RCAN2: variants seen among roughly 807,000 people sequenced by gnomAD.
RCAN2 encodes the protein regulator of calcineurin 2, also known as calcipressin-2.
In RCAN2, 9 loss-of-function variants were observed where a neutral mutation model predicts 23.6. The observed-to-expected ratio is 0.38, with a 90% CI of 0.23 to 0.67. The LOEUF is 0.67. Among genes scored for constraint, RCAN2 ranks in the 30% least tolerant of loss-of-function variants. The pLI, the probability that RCAN2 is intolerant of heterozygous loss-of-function variation, is 0.51. For missense variants in RCAN2, 273 were observed against 302.3 expected (o/e 0.90, Z 0.72); for synonymous variants, 109 against 115.7 (o/e 0.94, Z 0.37).
chr6:46,281,964 A>T (rs1395827961), intron 2 of RCAN2, among the ~76,000 whole-genome samples: 3 of 152,154 alleles, frequency 2.0e-5, no homozygotes, highest in Admixed American at 6.5e-5. Context: ...CATTATCATC[A>T]TTAATGGTAA....
intron 2 of RCAN2, among the ~76,000 whole-genome samples, chr6:46,406,117 G>A (rs1252951987): frequency 9.2e-5 from 14 of 152,096 alleles, no homozygotes; most frequent in Admixed American, 9.2e-4. Context: ...CAAGCGCTGC[G>A]CGCAGCCCCG....
chr6:46,436,165 CT>C (rs1435375726), intron 2 of RCAN2, among the ~76,000 whole-genome samples: 1 of 152,190 alleles, frequency 6.6e-6, no homozygotes, highest in African/African-American at 2.4e-5. Context: ...CAGAGTTGCT[CT>C]TTGGTGCGTT....
At chr6:46,393,821 G>C (rs1282327336) in intron 2 of RCAN2, among the ~76,000 whole-genome samples, 1 of 152,130 alleles carries the variant, frequency 6.6e-6, no homozygotes, top group Non-Finnish European at 1.5e-5. Context: ...GCTTGTCAGT[G>C]TACCAAGGGT....
chr6:46,329,202 G>A (rs1763885162), intron 2 of RCAN2, among the ~76,000 whole-genome samples: 1 of 152,102 alleles, frequency 6.6e-6, no homozygotes, highest in Admixed American at 6.5e-5. Context: ...ATCTCTTCAT[G>A]GCTTGCTCCT....
intron 2 of RCAN2, among the ~76,000 whole-genome samples, chr6:46,338,706 C>T (rs1764214482): frequency 6.6e-6 from 1 of 152,052 alleles, no homozygotes; most frequent in Admixed American, 6.6e-5. Context: ...GTTCAAATAC[C>T]TTCACTGCTT....
intron 2 of RCAN2, among the ~76,000 whole-genome samples, chr6:46,319,591 C>T (rs1763545332): frequency 6.6e-6 from 1 of 152,200 alleles, no homozygotes. Flanking sequence ...GCTGAGAAAT[C>T]TGCCTCTGAA....
intron 2 of RCAN2, among the ~76,000 whole-genome samples, chr6:46,454,942 T>G (rs1240307979): frequency 6.6e-6 from 1 of 152,192 alleles, no homozygotes; most frequent in Non-Finnish European, 1.5e-5. Context: ...GATTAGCACC[T>G]TCCTAGGCCT....
chr6:46,336,981 T>C (rs190795050), intron 2 of RCAN2, among the ~76,000 whole-genome samples: 2 of 143,986 alleles, frequency 1.4e-5, no homozygotes, highest in East Asian at 4.1e-4. Flanking sequence ...CAGGGAGAAG[T>C]GTTCAAAGGA....
intron 2 of RCAN2, among the ~76,000 whole-genome samples, chr6:46,298,801 T>C (rs1762807447): frequency 6.6e-6 from 1 of 152,108 alleles, no homozygotes; most frequent in African/African-American, 2.4e-5. Flanking sequence ...AAAAGACTCA[T>C]GCACTCATAT....
chr6:46,258,798 T>C (rs1384137748), intron 2 of RCAN2, among the ~76,000 whole-genome samples: 1 of 152,204 alleles, frequency 6.6e-6, no homozygotes, highest in Non-Finnish European at 1.5e-5. Context: ...TGATTCTTCT[T>C]AGTCATCATC....
rs575073297 is a variant in RCAN2 at position 46,325,665 on chromosome 6, A to C, written c.226-76769T>G. 14 of 1,399,278 alleles carry C rather than the reference A, an allele frequency of 1.0e-5. No individual in the cohort carries two copies. The African/African-American group carries it at 2.0e-4, about 20-fold the overall frequency. The allele number at this position is 1,399,278 out of a possible 1,614,324, so 86.7% of individuals were successfully genotyped here. On this transcript the variant is annotated intron_variant, in intron 2 of 4. Transcript: ENST00000371374. ...CCCTCCGCGTCTGAGGCAGCACAGC[A>C]GAGTAACGAACGGCCCGGCTCGCTC...
chr6:46,268,458 C>G (rs1469669240), intron 2 of RCAN2, among the ~76,000 whole-genome samples: 1 of 152,180 alleles, frequency 6.6e-6, no homozygotes, highest in African/African-American at 2.4e-5. Flanking sequence ...CTGGATTTCT[C>G]TTCATCTAAA....
intron 2 of RCAN2, among the ~76,000 whole-genome samples, chr6:46,412,989 T>C (rs948659732): frequency 5.3e-5 from 8 of 152,212 alleles, no homozygotes; most frequent in South Asian, 2.1e-4. Flanking sequence ...TTTGTGTTCT[T>C]ATGTTTACTC....
At chr6:46,233,879 G>A (rs773093426) in intron 4 of RCAN2, among the ~76,000 whole-genome samples, 12 of 151,778 alleles carry the variant, frequency 7.9e-5, no homozygotes, top group East Asian at 1.9e-4. Flanking sequence ...AGGCACCTAC[G>A]ATCACACCCG....
intron 2 of RCAN2, among the ~76,000 whole-genome samples, chr6:46,276,360 A>G (rs1471694406): frequency 1.3e-5 from 2 of 152,180 alleles, no homozygotes; most frequent in Non-Finnish European, 2.9e-5. Context: ...ATACTTTGCC[A>G]CGACACAAGC....
intron 2 of RCAN2, among the ~76,000 whole-genome samples, chr6:46,268,585 G>T (rs1209085964): frequency 6.6e-6 from 1 of 152,144 alleles, no homozygotes; most frequent in Non-Finnish European, 1.5e-5. Flanking sequence ...GATAGTGACA[G>T]GTGATAAACA....
At chr6:46,280,607 A>G (rs1315252743) in intron 2 of RCAN2, among the ~76,000 whole-genome samples, 1 of 152,214 alleles carries the variant, frequency 6.6e-6, no homozygotes, top group African/African-American at 2.4e-5. Flanking sequence ...TTCTCTCCCT[A>G]TAAAGCTGTA....
chr6:46,223,092 A>G lies in RCAN2; in HGVS notation c.*49T>C, dbSNP rs1001225072. 4 of 1,592,894 alleles carry G rather than the reference A, an allele frequency of 2.5e-6. No homozygotes were observed. The highest frequency in any genetic ancestry group is 1.4e-5 in the African/African-American group (1 of 73,856). ...TTTTTTTTGACAAACAACAGGGGGA[A>G]AAAGCATGATAAAGAGGAGACGGCT... On this transcript the variant is annotated 3_prime_UTR_variant, in exon 5 of 5. Transcript: ENST00000371374.
At chr6:46,382,519 A>G (rs1245680973) in intron 2 of RCAN2, among the ~76,000 whole-genome samples, 2 of 152,238 alleles carry the variant, frequency 1.3e-5, no homozygotes. Flanking sequence ...CAAATGTAAC[A>G]GCACACAGGC....
Sources: gnomAD v4.1 joint callset for allele counts (sites outside exome capture counted in the v4.1 genomes callset) on GRCh38, gnomAD v4.1.1 for gene constraint, MANE v1.5 for transcripts, NCBI Gene and HGNC (gene_info 2026-07-23, HGNC 2026-07-21) for gene names.